Variants in YLPM1 observed in about 807,000 individuals in gnomAD.
YLPM1 encodes YLP motif containing 1.
In YLPM1, 99 loss-of-function variants were observed where a neutral mutation model predicts 230.0. The observed-to-expected ratio is 0.43, with a 90% CI of 0.37 to 0.51. The LOEUF is 0.51. Ranked by LOEUF, YLPM1 falls within the 20% of genes least tolerant of loss-of-function variation. The pLI is 0.00. For synonymous variants in YLPM1, 984 were observed against 942.5 expected (o/e 1.04, Z -0.81); for missense variants, 2,592 against 2,707.7 (o/e 0.96, Z 0.95).
chr14:74,807,550 C>T (rs962912199), intron 6 of YLPM1, among the ~76,000 whole-genome samples: 2 of 152,126 alleles, frequency 1.3e-5, no homozygotes, highest in African/African-American at 4.8e-5. Context: ...ATGTATTTGG[C>T]AACTGGGTTT....
At chr14:74,820,503 C>T (rs781355181) in intron 16 of YLPM1, among the ~76,000 whole-genome samples, 13 of 152,196 alleles carry the variant, frequency 8.5e-5, no homozygotes, top group Non-Finnish European at 1.8e-4. Context: ...CTGCCCCAAC[C>T]TCACAAAGTG....
At chr14:74,799,874 C>G (rs768008510) in intron 5 of YLPM1, among the ~76,000 whole-genome samples, 177 bp downstream of exon 5, 1 of 152,170 alleles carries the variant, frequency 6.6e-6, no homozygotes, top group Non-Finnish European at 1.5e-5. Context: ...TATTTAGGAA[C>G]TGTGTTAATG....
chr14:74,827,296 G>A (rs2091571699), intron 18 of YLPM1: 1 of 966,398 alleles, frequency 1.0e-6, no homozygotes, highest in African/African-American at 1.8e-5. Flanking sequence ...TTGAACACCA[G>A]TCTTTATTCT....
At position 74,763,946 on chromosome 14, in the gene YLPM1, C is replaced by T; in HGVS notation, c.457C>T (p.Pro153Ser). ...LESPPESPPV[P>S]PGSYMPPSQS... ...ATCCCCCCCTGAATCTCCCCCTGTG[C>T]CGCCTGGGTCCTATATGCCCCCATC... Residue 153 changes from proline (P) to serine (S), a missense_variant, in exon 1 of 21, where the codon CCG becomes TCG. Physicochemically the swap from Pro to Ser is moderately conservative, Grantham distance 74. Coordinates refer to ENST00000325680, the MANE Select transcript of YLPM1 (RefSeq NM_019589.3). The T allele has an allele frequency of 8.6e-7, 1 of 1,162,380 alleles. No homozygotes were observed. The highest frequency in any genetic ancestry group is 1.5e-5 in the South Asian group (1 of 65,524). The allele number at this position is 1,162,380 out of a possible 1,614,324, so 72.0% of individuals were successfully genotyped here.
chr14:74,789,518 G>A (rs968216662), intron 4 of YLPM1, among the ~76,000 whole-genome samples: 2 of 151,886 alleles, frequency 1.3e-5, no homozygotes, highest in Non-Finnish European at 2.9e-5. Context: ...TCCCTGGCCT[G>A]GCAAGCTTTT....
intron 1 of YLPM1, among the ~76,000 whole-genome samples, chr14:74,778,074 C>T (rs570719333): frequency 1.3e-5 from 2 of 152,154 alleles, no homozygotes; most frequent in African/African-American, 4.8e-5. Flanking sequence ...AATTACAAGA[C>T]CCCTGTCAAT....
chr14:74,834,940 G>C (rs962530101), intron 19 of YLPM1: 36 of 215,952 alleles, frequency 1.7e-4, no homozygotes, highest in Middle Eastern at 1.8e-3. Flanking sequence ...GGAAGACTAG[G>C]TAGAGATTAG....
At chr14:74,802,457 A>AT in intron 5 of YLPM1, 99 bp from the exon 6 acceptor site, 1 of 1,412,206 alleles carries the variant, frequency 7.1e-7, no homozygotes, top group Non-Finnish European at 9.4e-7. Context: ...TAGGACAAGG[A>AT]TTTTTTAGGT....
chr14:74,771,642 G>A (rs2090977185), intron 1 of YLPM1, among the ~76,000 whole-genome samples: 1 of 152,154 alleles, frequency 6.6e-6, no homozygotes, highest in African/African-American at 2.4e-5. Context: ...TAAAGACTGC[G>A]AGTTATCTTT....
At chr14:74,772,856 T>C (rs2090992654) in intron 1 of YLPM1, among the ~76,000 whole-genome samples, 1 of 152,186 alleles carries the variant, frequency 6.6e-6, no homozygotes, top group African/African-American at 2.4e-5. Flanking sequence ...ATGATCACAC[T>C]TCTCTTAGGG....
intron 4 of YLPM1, among the ~76,000 whole-genome samples, chr14:74,784,628 G>T (rs2241274): frequency 6.6e-6 from 1 of 152,036 alleles, no homozygotes; most frequent in Non-Finnish European, 1.5e-5. Context: ...GCCATATAAG[G>T]CATTGATTCT....
intron 18 of YLPM1, chr14:74,827,228 C>A: frequency 1.5e-6 from 1 of 679,800 alleles, no homozygotes; most frequent in Non-Finnish European, 1.8e-6. Flanking sequence ...TTTAAAACTT[C>A]ATCTTCATCT....
chr14:74,778,502 A>G lies in YLPM1; in HGVS notation c.929A>G (p.Lys310Arg). The change falls in exon 2 of 21, where the codon AAA (lysine) becomes AGA (arginine). Residue 310 changes from lysine (K) to arginine (R), a missense_variant. By Grantham distance (26) the Lys-to-Arg change is conservative (BLOSUM62 2). Transcript: ENST00000325680. Reference protein sequence around the residue: ...QHLLSLQQRTKVHLPGHKKGP... With the variant: ...QHLLSLQQRTRVHLPGHKKGP... ...TTGCTTAGTTTGCAACAGAGGACAA[A>G]AGTTCATTTGCCAGGACACAAAAAG... The G allele has an allele frequency of 6.2e-7, 1 of 1,609,412 alleles. No individual in the cohort carries two copies. The highest frequency in any genetic ancestry group is 1.7e-5 in the Admixed American group (1 of 59,274).
intron 6 of YLPM1, among the ~76,000 whole-genome samples, chr14:74,808,419 A>G (rs1594833574): frequency 1.3e-5 from 2 of 152,170 alleles, no homozygotes; most frequent in East Asian, 3.8e-4. Context: ...TAGTACGGCT[A>G]TGAATGTTTG....
At chr14:74,780,669 A>AT in intron 3 of YLPM1, 85 bp downstream of exon 3, 1 of 1,492,780 alleles carries the variant, frequency 6.7e-7, no homozygotes, top group Non-Finnish European at 8.9e-7. Flanking sequence ...AGTGTAAAAA[A>AT]CAAAAGATAC....
At chr14:74,807,105 A>G (rs1280966193) in intron 6 of YLPM1, among the ~76,000 whole-genome samples, 1 of 152,178 alleles carries the variant, frequency 6.6e-6, no homozygotes, top group Admixed American at 6.5e-5. Context: ...AACTGTAGCC[A>G]GTAGTTACCT....
chr14:74,809,329 T>C (rs2091410587), intron 6 of YLPM1, 51 bp from the exon 7 acceptor site: 1 of 1,533,260 alleles, frequency 6.5e-7, no homozygotes, highest in African/African-American at 1.4e-5. Context: ...CACTGATCTA[T>C]AAAAACATAG....
chr14:74,807,910 C>T (rs2091394904), intron 6 of YLPM1, among the ~76,000 whole-genome samples: 1 of 152,150 alleles, frequency 6.6e-6, no homozygotes, highest in South Asian at 2.1e-4. Context: ...CATTTCTCTC[C>T]TTCCTGCACA....
chr14:74,807,301 A>C (rs963303006), intron 6 of YLPM1, among the ~76,000 whole-genome samples: 5 of 152,174 alleles, frequency 3.3e-5, no homozygotes, highest in African/African-American at 7.2e-5. Context: ...AAACCAAAAC[A>C]AAACAAAAAA....
Sources: allele counts gnomAD v4.1 joint callset (sites outside exome capture counted in the v4.1 genomes callset), GRCh38; gene constraint gnomAD v4.1.1; transcripts MANE v1.5; gene names NCBI Gene and HGNC (gene_info 2026-07-23, HGNC 2026-07-21).